The following PTPRO variants were observed in gnomAD, a reference collection of about 807,000 sequenced individuals.
PTPRO encodes receptor-type tyrosine-protein phosphatase O.
PTPRO carries 62 observed loss-of-function variants against 145.2 expected under a neutral mutation model. The ratio of observed to expected loss-of-function variants is 0.43; its 90% CI spans 0.35 to 0.53. The LOEUF is 0.53. Among genes scored for constraint, PTPRO ranks in the 20% least tolerant of loss-of-function variants. PTPRO has a pLI of 0.01. For synonymous variants in PTPRO, 565 were observed against 514.7 expected (o/e 1.10, Z -1.32); for missense variants, 1,345 against 1,482.7 (o/e 0.91, Z 1.53).
intron 1 of PTPRO, among the ~76,000 whole-genome samples, chr12:15,341,662 T>G (rs1866990569): frequency 6.6e-6 from 1 of 152,192 alleles, no homozygotes; most frequent in African/African-American, 2.4e-5. Flanking sequence ...GTTCCATCAC[T>G]TGAAACAAAG....
intron 1 of PTPRO, among the ~76,000 whole-genome samples, chr12:15,424,873 G>C (rs567375595): frequency 1.6e-4 from 24 of 152,244 alleles, no homozygotes; most frequent in African/African-American, 5.3e-4. Context: ...CAACTGTGCA[G>C]GTCGTGAAGT....
At chr12:15,340,648 T>C (rs1043095996) in intron 1 of PTPRO, among the ~76,000 whole-genome samples, 5 of 152,250 alleles carry the variant, frequency 3.3e-5, no homozygotes, top group African/African-American at 1.2e-4. Flanking sequence ...GAGCTGAATG[T>C]AATGTTACGT....
At chr12:15,373,900 G>T (rs1317275334) in intron 1 of PTPRO, among the ~76,000 whole-genome samples, 1 of 152,090 alleles carries the variant, frequency 6.6e-6, no homozygotes, top group Non-Finnish European at 1.5e-5. Context: ...ATTTTAAAAT[G>T]GGTCATTTTG....
intron 1 of PTPRO, among the ~76,000 whole-genome samples, chr12:15,471,632 T>C (rs1332398364): frequency 6.6e-6 from 1 of 152,208 alleles, no homozygotes; most frequent in Non-Finnish European, 1.5e-5. Flanking sequence ...TCATCATTGC[T>C]ATTATTATTG....
intron 17 of PTPRO, 112 bp from the exon 18 acceptor site, chr12:15,565,481 T>C (rs1943874291): frequency 2.8e-6 from 2 of 710,080 alleles, no homozygotes; most frequent in Admixed American, 4.6e-5. Context: ...TTAATGAAAA[T>C]TAAATAAAAC....
chr12:15,555,520 G>A (rs1464900268), intron 15 of PTPRO, among the ~76,000 whole-genome samples: 1 of 152,142 alleles, frequency 6.6e-6, no homozygotes, highest in African/African-American at 2.4e-5. Flanking sequence ...ATACTTAGGA[G>A]CATTAACGCA....
intron 1 of PTPRO, among the ~76,000 whole-genome samples, chr12:15,335,598 G>A (rs1866736788): frequency 1.3e-5 from 2 of 151,950 alleles, no homozygotes; most frequent in East Asian, 1.9e-4. Flanking sequence ...TGGAAATTGT[G>A]GTATTGACAA....
At chr12:15,338,402 C>T (rs536359308) in intron 1 of PTPRO, among the ~76,000 whole-genome samples, 2 of 152,110 alleles carry the variant, frequency 1.3e-5, no homozygotes, top group Admixed American at 6.5e-5. Context: ...AGTAAGTTAT[C>T]GAAGCAAATT....
intron 1 of PTPRO, among the ~76,000 whole-genome samples, chr12:15,392,287 T>C (rs1016365014): frequency 6.6e-6 from 1 of 152,190 alleles, no homozygotes; most frequent in African/African-American, 2.4e-5. Flanking sequence ...TAATTTCTGC[T>C]CCTCCAGGGA....
chr12:15,475,612 C>T (rs1268452939), intron 1 of PTPRO, among the ~76,000 whole-genome samples: 1 of 151,534 alleles, frequency 6.6e-6, no homozygotes, highest in Non-Finnish European at 1.5e-5. Context: ...AAAAATGTAT[C>T]ATGAAAAATG....
At chr12:15,402,525 C>A (rs1412020330) in intron 1 of PTPRO, among the ~76,000 whole-genome samples, 1 of 152,150 alleles carries the variant, frequency 6.6e-6, no homozygotes, top group East Asian at 1.9e-4. Context: ...GAACAATCCA[C>A]AATACTATGT....
intron 1 of PTPRO, among the ~76,000 whole-genome samples, chr12:15,383,199 T>C (rs994138408): frequency 5.3e-5 from 8 of 152,212 alleles, no homozygotes; most frequent in African/African-American, 1.9e-4. Flanking sequence ...TGATTCCACA[T>C]GTAAGTGTGA....
At chr12:15,324,066 G>A (rs1417968483) in intron 1 of PTPRO, among the ~76,000 whole-genome samples, 1 of 151,996 alleles carries the variant, frequency 6.6e-6, no homozygotes, top group Non-Finnish European at 1.5e-5. Flanking sequence ...TAAATAATAA[G>A]CTCAGTTATA....
chr12:15,504,800 C>T (rs899542944), intron 6 of PTPRO, among the ~76,000 whole-genome samples: 2 of 152,186 alleles, frequency 1.3e-5, no homozygotes, highest in South Asian at 4.1e-4. Context: ...AAAAGGATAA[C>T]CACCACATAT....
At chr12:15,340,302 G>A (rs1866931450) in intron 1 of PTPRO, among the ~76,000 whole-genome samples, 1 of 152,136 alleles carries the variant, frequency 6.6e-6, no homozygotes, top group South Asian at 2.1e-4. Context: ...GACACGGCTT[G>A]TATTTCCCCT....
At chr12:15,353,205 C>T (rs542077396) in intron 1 of PTPRO, among the ~76,000 whole-genome samples, 2 of 152,242 alleles carry the variant, frequency 1.3e-5, no homozygotes, top group African/African-American at 4.8e-5. Context: ...CCCACCTACC[C>T]ACTCATCTAC....
At chr12:15,482,465 A>G (rs534510199) in intron 1 of PTPRO, among the ~76,000 whole-genome samples, 1 of 152,208 alleles carries the variant, frequency 6.6e-6, no homozygotes, top group African/African-American at 2.4e-5. Flanking sequence ...CTATAGTACT[A>G]TAGGGGGACT....
At chr12:15,584,732 C>G (rs973635889) in intron 23 of PTPRO, among the ~76,000 whole-genome samples, 1 of 152,098 alleles carries the variant, frequency 6.6e-6, no homozygotes, top group African/African-American at 2.4e-5. Flanking sequence ...ATATATTTTT[C>G]AATTTGTTTC....
At chr12:15,363,501 G>A (rs1250315705) in intron 1 of PTPRO, among the ~76,000 whole-genome samples, 8 of 152,056 alleles carry the variant, frequency 5.3e-5, no homozygotes, top group Non-Finnish European at 1.2e-4. Context: ...AAGTAATCAA[G>A]GATAAATGTA....
Sources: allele counts gnomAD v4.1 joint callset (sites outside exome capture counted in the v4.1 genomes callset), GRCh38; gene constraint gnomAD v4.1.1; transcripts MANE v1.5; gene names NCBI Gene and HGNC (gene_info 2026-07-23, HGNC 2026-07-21).